The following SNX27 variants were observed in gnomAD, a reference collection of about 807,000 sequenced individuals.
SNX27 encodes the protein sorting nexin 27.
Under a neutral mutation model 71.6 loss-of-function variants are expected in SNX27, and 22 were observed. The ratio of observed to expected loss-of-function variants is 0.31; its 90% CI spans 0.22 to 0.44. The LOEUF (loss-of-function observed/expected upper bound fraction) is 0.44. Among genes scored for constraint, SNX27 ranks in the 20% least tolerant of loss-of-function variants. SNX27 has a pLI of 1.00. For missense variants in SNX27, 531 were observed against 698.6 expected, an observed-to-expected ratio of 0.76 and a Z score of 2.70; for synonymous variants, 269 against 277.2, an observed-to-expected ratio of 0.97 and a Z score of 0.29.
intron 7 of SNX27, chr1:151,680,077 A>T (rs896069641): frequency 3.9e-5 from 6 of 151,914 alleles, no homozygotes; most frequent in Non-Finnish European, 7.4e-5. Context: ...TACTTTAATT[A>T]AAAAAATTTA....
intron 6 of SNX27, among the ~76,000 whole-genome samples, chr1:151,667,575 C>T (rs1028135061): frequency 1.4e-5 from 2 of 141,548 alleles, no homozygotes; most frequent in African/African-American, 2.5e-5. Context: ...CCTGTAATCC[C>T]AGCACTTTGG....
chr1:151,693,839 T>A, intron 11 of SNX27: 1 of 1,435,232 alleles, frequency 7.0e-7, no homozygotes, highest in Admixed American at 2.9e-5. Context: ...TGTAGCCGTC[T>A]TGACTGGATG....
rs1371247109 is a variant in SNX27, at chr1:151,699,050, C to G, written c.*4633C>G. 6.6e-6 allele frequency: 1 copy of G among 152,596 alleles called. No individual in the cohort carries two copies. The highest frequency in any genetic ancestry group is 1.5e-5 in the Non-Finnish European group (1 of 68,020). 9.5% of individuals were successfully genotyped at this position (152,596 alleles called of 1,614,324 possible). ...TTAGTGTAATTAATTGTAACATATTCTTTTAAATAAATTGATTTATTGATC... is the reference window on the plus strand; with the variant it reads ...TTAGTGTAATTAATTGTAACATATTGTTTTAAATAAATTGATTTATTGATC... On this transcript the variant is annotated 3_prime_UTR_variant, in exon 12 of 12. Coordinates refer to ENST00000458013, the MANE Select transcript of SNX27 (RefSeq NM_001330723.2).
chr1:151,672,280 T>C (rs571159399), intron 7 of SNX27, among the ~76,000 whole-genome samples: 2 of 152,338 alleles, frequency 1.3e-5, no homozygotes, highest in Admixed American at 6.5e-5. Context: ...CTTTACTCTG[T>C]TGATATGCTG....
chr1:151,617,837 C>A (rs1667489562), intron 1 of SNX27, among the ~76,000 whole-genome samples: 1 of 148,498 alleles, frequency 6.7e-6, no homozygotes, highest in Admixed American at 6.7e-5. Context: ...AAATCCAGAT[C>A]TTTGGATTCT....
chr1:151,686,479 G>A (rs1435979059), intron 8 of SNX27, among the ~76,000 whole-genome samples: 21 of 152,218 alleles, frequency 1.4e-4, no homozygotes, highest in Admixed American at 1.4e-3. Context: ...TTGCCATTGT[G>A]TATAAAATAT....
Position 151,639,113 on chromosome 1 carries a change from G to C in SNX27, c.537G>C (p.Lys179Asn), listed in dbSNP as rs1464555295. Residue 179 changes from lysine (K) to asparagine (N), a missense_variant, in exon 2 of 12, where the codon AAG becomes AAC. Lys to Asn is a moderately conservative substitution (Grantham distance 94). This residue lies in a region of SNX27 where 184 missense variants were observed against 289.6 expected (regional missense o/e 0.64). Transcript: ENST00000458013. The stretch of plus-strand genomic sequence containing the variant: ...AACATGTGGAGCAGAATGGTGAGAA[G>C]TTTGTGGTGAGTGTCAGCCCAACTC... ...RYKHVEQNGE[K>N]FVVYNVYMAG... 1 of 1,612,890 alleles carries C rather than the reference G, an allele frequency of 6.2e-7. No individual in the cohort carries two copies. The highest frequency in any genetic ancestry group is 1.7e-5 in the Admixed American group (1 of 59,978).
At chr1:151,620,049 A>G (rs372723067) in intron 1 of SNX27, among the ~76,000 whole-genome samples, 1 of 152,240 alleles carries the variant, frequency 6.6e-6, no homozygotes, top group Non-Finnish European at 1.5e-5. Context: ...ATAAAACTTC[A>G]GAGAAGGGGC....
At chr1:151,648,349 G>A (rs992184798) in intron 2 of SNX27, among the ~76,000 whole-genome samples, 7 of 152,154 alleles carry the variant, frequency 4.6e-5, no homozygotes, top group Non-Finnish European at 7.3e-5. Context: ...GAGCCACCAC[G>A]CCTGGCGTTA....
intron 2 of SNX27, among the ~76,000 whole-genome samples, chr1:151,645,011 G>C (rs561561826): frequency 1.3e-5 from 2 of 152,178 alleles, no homozygotes; most frequent in African/African-American, 4.8e-5. Flanking sequence ...TGTTGGCCAG[G>C]CTGGTCTCAA....
At chr1:151,641,699 T>TAC (rs1351929508) in intron 2 of SNX27, among the ~76,000 whole-genome samples, 44 of 140,886 alleles carry the variant, frequency 3.1e-4, no homozygotes, top group African/African-American at 1.1e-3. Context: ...ATATATCATA[T>TAC]ATATGATATA....
Position 151,612,180 on chromosome 1 carries a change from G to A in SNX27, c.-22G>A, listed in dbSNP as rs1054924834. The stretch of plus-strand genomic sequence containing the variant: ...GGCCTTGGAGGCGTAGGGGGCGGGG[G>A]TACGGCTCGCCTGCTCGCAAGATGG... On this transcript the variant is annotated 5_prime_UTR_variant, in exon 1 of 12. Coordinates refer to ENST00000458013, the MANE Select transcript of SNX27 (RefSeq NM_001330723.2). The surrounding 1 kb of genome is among the most constrained non-coding windows in gnomAD (Gnocchi z 5.2). The A allele has an allele frequency of 1.6e-5, 21 of 1,328,258 alleles. No homozygotes were observed. In the South Asian group the frequency reaches 2.7e-4, roughly 17 times the overall value. 82.3% of individuals were successfully genotyped at this position (1,328,258 alleles called of 1,614,324 possible).
intron 2 of SNX27, among the ~76,000 whole-genome samples, chr1:151,639,748 T>A (rs1198291709): frequency 6.6e-6 from 1 of 152,238 alleles, no homozygotes; most frequent in African/African-American, 2.4e-5. Flanking sequence ...TTTTTAGTGA[T>A]GTGTGCTAGC....
chr1:151,631,160 A>G (rs1010751123), intron 1 of SNX27, among the ~76,000 whole-genome samples: 5 of 152,242 alleles, frequency 3.3e-5, no homozygotes, highest in Admixed American at 6.5e-5. Flanking sequence ...AGACCCTTAC[A>G]TTTTGGTGGA....
At chr1:151,654,374 C>T (rs886119290) in intron 2 of SNX27, among the ~76,000 whole-genome samples, 4 of 152,048 alleles carry the variant, frequency 2.6e-5, no homozygotes, top group African/African-American at 9.7e-5. Context: ...CAGCCAAACT[C>T]GGCCTTGTAT....
intron 2 of SNX27, among the ~76,000 whole-genome samples, chr1:151,654,438 C>T (rs977398619): frequency 1.2e-4 from 18 of 151,950 alleles, no homozygotes; most frequent in Non-Finnish European, 2.5e-4. Context: ...TATAGCCGAC[C>T]TCTGCTTGGT....
At chr1:151,654,578 C>T (rs1669588066) in intron 2 of SNX27, among the ~76,000 whole-genome samples, 1 of 152,080 alleles carries the variant, frequency 6.6e-6, no homozygotes, top group Non-Finnish European at 1.5e-5. Flanking sequence ...GATTTACTGC[C>T]TGTCTTAGCC....
At chr1:151,679,604 T>C (rs1206900031) in intron 7 of SNX27, 2 of 152,146 alleles carry the variant, frequency 1.3e-5, no homozygotes, top group African/African-American at 2.4e-5. Flanking sequence ...TATTTGGTTA[T>C]TGTGGAGGAA....
chr1:151,692,496 G>A lies in SNX27; in HGVS notation c.1301G>A (p.Cys434Tyr). Residue 434 changes from cysteine to tyrosine, a missense_variant, in exon 9 of 12, where the codon TGT becomes TAT. By Grantham distance (194) the Cys-to-Tyr change is radical (BLOSUM62 -2). Around this residue, in one of 5 missense-constraint regions of SNX27, gnomAD observed 157 missense variants for 178.4 expected, o/e 0.88. Coordinates refer to ENST00000458013, the MANE Select transcript of SNX27 (RefSeq NM_001330723.2). ...YNEIIFPHCA[C>Y]DSRRKGHVIT... The stretch of plus-strand genomic sequence containing the variant: ...GAAATCATCTTTCCCCACTGTGCCT[G>A]TGACTCCAGGAGGAAGGGGCACGTT... The A allele has an allele frequency of 6.6e-7, 1 of 1,522,626 alleles. No individual in the cohort carries two copies. Among genetic ancestry groups the A allele is most frequent in the Non-Finnish European group, 8.9e-7 (1 of 1,127,960 alleles). 94.3% of individuals were successfully genotyped at this position (1,522,626 alleles called of 1,614,324 possible). A position where few individuals can be genotyped will look rare whatever the true frequency, so the allele number is the denominator to read the frequency against.
Sources: allele counts gnomAD v4.1 joint callset (sites outside exome capture counted in the v4.1 genomes callset), GRCh38; gene constraint gnomAD v4.1.1; regional missense constraint gnomAD v4.1.1; non-coding constraint Gnocchi (gnomAD v3.1); transcripts MANE v1.5; gene names NCBI Gene and HGNC (gene_info 2026-07-23, HGNC 2026-07-21).